Variants in ERBB4 observed in about 807,000 individuals in gnomAD.
ERBB4 encodes the protein receptor tyrosine-protein kinase erbB-4.
A neutral mutation model predicts 158.0 loss-of-function variants in ERBB4; 42 were observed. The observed-to-expected ratio is 0.27, with a 90% confidence interval of 0.21 to 0.34. The LOEUF (loss-of-function observed/expected upper bound fraction) is 0.34. Ranked by LOEUF, ERBB4 falls within the 10% of genes least tolerant of loss-of-function variation. ERBB4 has a pLI of 1.00. For synonymous variants in ERBB4, 583 were observed against 558.7 expected (o/e 1.04, Z -0.61); for missense variants, 1,333 against 1,624.1 (o/e 0.82, Z 3.08).
chr2:211,392,899 C>T (rs1485800899), intron 25 of ERBB4, among the ~76,000 whole-genome samples: 2 of 152,078 alleles, frequency 1.3e-5, no homozygotes. Flanking sequence ...TCATGATCCA[C>T]CTGCCTCGGC....
intron 3 of ERBB4, among the ~76,000 whole-genome samples, chr2:211,934,691 T>A (rs904894934): frequency 6.6e-6 from 1 of 151,938 alleles, no homozygotes; most frequent in African/African-American, 2.4e-5. Flanking sequence ...TTTTGTCTTC[T>A]AGTGTTAATA....
chr2:212,255,997 A>AT (rs746469311), intron 1 of ERBB4, among the ~76,000 whole-genome samples: 20,201 of 99,000 alleles, frequency 0.2, 1,536 homozygotes, highest in South Asian at 0.42. Context: ...AGTTTTATTT[A>AT]TTTATTTTTT....
chr2:211,612,258 T>C (rs536766371), intron 19 of ERBB4, among the ~76,000 whole-genome samples: 3 of 152,134 alleles, frequency 2.0e-5, no homozygotes, highest in African/African-American at 7.2e-5. Flanking sequence ...ATTCAGACAA[T>C]TAACCAAGTA....
At chr2:212,373,989 T>G (rs2090216819) in intron 1 of ERBB4, among the ~76,000 whole-genome samples, 1 of 129,236 alleles carries the variant, frequency 7.7e-6, no homozygotes, top group Non-Finnish European at 1.7e-5. Flanking sequence ...TATATATCCA[T>G]ATATATCCAT....
chr2:211,915,109 C>G (rs945111029), intron 3 of ERBB4, among the ~76,000 whole-genome samples: 1 of 152,088 alleles, frequency 6.6e-6, no homozygotes, highest in Non-Finnish European at 1.5e-5. Context: ...ACCTGTCCAA[C>G]TATGCCAATT....
At chr2:211,720,099 G>A (rs2106114349) in intron 7 of ERBB4, among the ~76,000 whole-genome samples, 1 of 152,300 alleles carries the variant, frequency 6.6e-6, no homozygotes, top group Middle Eastern at 3.4e-3. Flanking sequence ...GGAGGTGCTA[G>A]TATAAAATGT....
chr2:212,095,674 T>C (rs2078907085), intron 2 of ERBB4, among the ~76,000 whole-genome samples: 1 of 152,166 alleles, frequency 6.6e-6, no homozygotes, highest in Admixed American at 6.5e-5. Flanking sequence ...GGCTCACGCC[T>C]ATAATCCCAG....
intron 1 of ERBB4, among the ~76,000 whole-genome samples, chr2:212,447,504 A>G (rs2092379185): frequency 6.6e-6 from 1 of 152,180 alleles, no homozygotes; most frequent in East Asian, 1.9e-4. Context: ...TGTAGCATGG[A>G]ACATGTTTTT....
chr2:211,540,263 C>A (rs2066765207), intron 20 of ERBB4, among the ~76,000 whole-genome samples: 1 of 151,404 alleles, frequency 6.6e-6, no homozygotes, highest in South Asian at 2.1e-4. Context: ...ATTTTGAGCA[C>A]CTGTGCTGCA....
intron 1 of ERBB4, among the ~76,000 whole-genome samples, chr2:212,354,797 T>C (rs1194806529): frequency 6.6e-6 from 1 of 152,044 alleles, no homozygotes; most frequent in Non-Finnish European, 1.5e-5. Flanking sequence ...CTGTTGAAGT[T>C]TCCAAGTGGC....
rs539367079 is a variant in ERBB4 at position 212,343,610 on chromosome 2, C to A, written c.82+194839G>T. On this transcript the variant is annotated intron_variant, in intron 1 of 27. Transcript: ENST00000342788. ...GTAAAACACCTAGAGAAAGAAATCC[C>A]AGTCATCTTATTCTAAACACATCAC... Among the ~76,000 whole-genome samples the A allele has an allele frequency of 5.3e-5, 8 of 152,208 alleles. No homozygotes were observed. The South Asian group carries it at 1.7e-3, about 32-fold the overall frequency.
rs910039402 is a variant in ERBB4, at chr2:212,538,721, G to A, written c.-191C>T. 1.2e-4 allele frequency: 52 copies of A among 421,036 alleles called. No homozygotes were observed. Among genetic ancestry groups the A allele is most frequent in the Non-Finnish European group, 1.8e-4 (44 of 245,456 alleles). The allele number at this position is 421,036 out of a possible 1,614,324, so 26.1% of individuals were successfully genotyped here. A position where few individuals can be genotyped will look rare whatever the true frequency, so the allele number is the denominator to read the frequency against. On this transcript the variant is annotated 5_prime_UTR_variant, in exon 1 of 28. Transcript: ENST00000342788. ...GCCCGCGGGTCCAGGGCCGGGGCCC[G>A]AGGAGGGGGCGAGTGTGAGCGCGTG... is the stretch of plus-strand genomic sequence containing the variant.
intron 1 of ERBB4, among the ~76,000 whole-genome samples, chr2:212,345,108 A>G (rs2106328013): frequency 6.6e-6 from 1 of 151,752 alleles, no homozygotes; most frequent in African/African-American, 2.4e-5. Context: ...TACTAAAAAT[A>G]CAAAAAAATT....
chr2:212,158,372 C>T (rs932824287), intron 1 of ERBB4, among the ~76,000 whole-genome samples: 2 of 151,946 alleles, frequency 1.3e-5, no homozygotes, highest in African/African-American at 4.8e-5. Context: ...AAAGTCCCAC[C>T]ACACTATACT....
At chr2:211,513,656 A>G (rs1175967231) in intron 20 of ERBB4, among the ~76,000 whole-genome samples, 2 of 152,116 alleles carry the variant, frequency 1.3e-5, no homozygotes, top group African/African-American at 4.8e-5. Context: ...TTCAAACCCC[A>G]GGAAAAGAAA....
intron 3 of ERBB4, among the ~76,000 whole-genome samples, chr2:211,818,858 A>AGAAGTAAG (rs1393819037): frequency 1.3e-5 from 2 of 152,162 alleles, no homozygotes; most frequent in African/African-American, 4.8e-5. Context: ...AAGAGAACAA[A>AGAAGTAAG]GAAGTAAGGA....
chr2:212,524,635 A>T (rs1417090030), intron 1 of ERBB4, among the ~76,000 whole-genome samples: 1 of 151,866 alleles, frequency 6.6e-6, no homozygotes, highest in Non-Finnish European at 1.5e-5. Flanking sequence ...ATTTTCTCCT[A>T]GGCTAATTCA....
At chr2:212,037,020 T>C (rs995391134) in intron 2 of ERBB4, among the ~76,000 whole-genome samples, 1 of 152,186 alleles carries the variant, frequency 6.6e-6, no homozygotes, top group African/African-American at 2.4e-5. Flanking sequence ...GGCGCTACAG[T>C]AGAGAAAATT....
At chr2:212,062,674 G>T (rs566555895) in intron 2 of ERBB4, among the ~76,000 whole-genome samples, 1 of 152,022 alleles carries the variant, frequency 6.6e-6, no homozygotes, top group South Asian at 2.1e-4. Context: ...CACAATGTTG[G>T]GATTACAGGA....
Sources: gnomAD v4.1 joint callset for allele counts (sites outside exome capture counted in the v4.1 genomes callset) on GRCh38, gnomAD v4.1.1 for gene constraint, MANE v1.5 for transcripts, NCBI Gene and HGNC (gene_info 2026-07-23, HGNC 2026-07-21) for gene names.